EPHA6: variants seen among roughly 807,000 people sequenced by gnomAD.
EPHA6 encodes EPH receptor A6, also known as ephrin type-A receptor 6.
A neutral mutation model predicts 112.0 loss-of-function variants in EPHA6; 50 were observed. The ratio of observed to expected loss-of-function variants is 0.45; its 90% CI spans 0.36 to 0.56. The LOEUF (loss-of-function observed/expected upper bound fraction) is 0.56. Ranked by LOEUF, EPHA6 falls within the 20% of genes least tolerant of loss-of-function variation. The pLI is 0.00. For missense variants in EPHA6, 1,280 were observed against 1,417.4 expected, an observed-to-expected ratio of 0.90 and a Z score of 1.56; for synonymous variants, 529 against 490.7, an observed-to-expected ratio of 1.08 and a Z score of -1.03.
chr3:97,684,893 T>G (rs1021293677), intron 14 of EPHA6, among the ~76,000 whole-genome samples: 1 of 152,198 alleles, frequency 6.6e-6, no homozygotes, highest in Non-Finnish European at 1.5e-5. Context: ...TTTTTGATAA[T>G]GTGATAATAC....
chr3:97,556,408 G>T (rs557018329), intron 11 of EPHA6, among the ~76,000 whole-genome samples: 22 of 152,114 alleles, frequency 1.4e-4, no homozygotes, highest in Admixed American at 5.3e-4. Context: ...CAGCATGGCT[G>T]GGGGGTCCTC....
chr3:97,724,264 G>A (rs2034656042), intron 15 of EPHA6, among the ~76,000 whole-genome samples: 2 of 152,086 alleles, frequency 1.3e-5, no homozygotes, highest in Admixed American at 1.3e-4. Context: ...TGCAGAATCT[G>A]TTTTAGTGAA....
chr3:97,341,473 G>A (rs1025372657), intron 5 of EPHA6, among the ~76,000 whole-genome samples: 1 of 151,760 alleles, frequency 6.6e-6, no homozygotes, highest in African/African-American at 2.4e-5. Flanking sequence ...TCCTGCCTCA[G>A]CCTCCCAAGT....
Position 97,315,150 on chromosome 3 carries a change from G to GATCA in EPHA6, c.1606+70863_1606+70864insATCA, listed in dbSNP as rs2081759771. Among the ~76,000 whole-genome samples, 7 of 151,724 alleles carry GATCA rather than the reference G, an allele frequency of 4.6e-5. No individual in the cohort carries two copies. In the South Asian group the frequency reaches 1.4e-3, roughly 31 times the overall value. The stretch of plus-strand genomic sequence containing the variant: ...TTATAATTCCAATGATCTTTTACTA[G>GATCA]TGTTGTGGATGAAATCTTATAGATG... On this transcript the variant is annotated intron_variant, in intron 5 of 17. Transcript: ENST00000389672.
chr3:96,955,980 C>T (rs1028256926), intron 2 of EPHA6, among the ~76,000 whole-genome samples: 5 of 152,048 alleles, frequency 3.3e-5, no homozygotes, highest in African/African-American at 1.2e-4. Context: ...GGAACACATC[C>T]TTTTTTATAC....
intron 11 of EPHA6, among the ~76,000 whole-genome samples, chr3:97,560,882 A>G (rs2093180177): frequency 6.6e-6 from 1 of 152,032 alleles, no homozygotes; most frequent in South Asian, 2.1e-4. Flanking sequence ...AACAGTATGC[A>G]CTTACTTCAT....
chr3:97,266,333 T>G (rs2079681541), intron 5 of EPHA6, among the ~76,000 whole-genome samples: 1 of 152,182 alleles, frequency 6.6e-6, no homozygotes, highest in Non-Finnish European at 1.5e-5. Context: ...AGGTCATAAT[T>G]TATTATATTT....
intron 16 of EPHA6, among the ~76,000 whole-genome samples, chr3:97,741,303 T>C (rs1409347766): frequency 6.6e-6 from 1 of 151,912 alleles, no homozygotes; most frequent in Non-Finnish European, 1.5e-5. Context: ...CTGTGCACTA[T>C]GATCATGACA....
rs961681174 is a variant in EPHA6 at position 97,748,894 on chromosome 3, T to C, written c.*193T>C. ...TCATGCTACATAAATCCGTTCTGAA[T>C]AACCTGCAACTAAAACCCTGGCCCA... is the stretch of plus-strand genomic sequence containing the variant. On this transcript the variant is annotated 3_prime_UTR_variant, in exon 18 of 18. Coordinates refer to ENST00000389672, the MANE Select transcript of EPHA6 (RefSeq NM_001080448.3). 1.8e-6 allele frequency: 1 copy of C among 551,672 alleles called. No individual in the cohort carries two copies. Among genetic ancestry groups the C allele is most frequent in the African/African-American group, 1.9e-5 (1 of 53,348 alleles). The allele number at this position is 551,672 out of a possible 1,614,324, so 34.2% of individuals were successfully genotyped here.
chr3:97,700,370 A>T (rs2033312675), intron 14 of EPHA6, among the ~76,000 whole-genome samples: 1 of 152,198 alleles, frequency 6.6e-6, no homozygotes, highest in Admixed American at 6.5e-5. Context: ...GATGCCAGAT[A>T]CCACATTCTT....
At chr3:97,671,849 G>GAAAT (rs1366722725) in intron 14 of EPHA6, among the ~76,000 whole-genome samples, 1 of 151,920 alleles carries the variant, frequency 6.6e-6, no homozygotes, top group African/African-American at 2.4e-5. Context: ...AAAAAAAGCA[G>GAAAT]AAATAGAAGC....
intron 10 of EPHA6, among the ~76,000 whole-genome samples, chr3:97,506,251 T>C (rs1007340983): frequency 1.3e-5 from 2 of 152,176 alleles, no homozygotes; most frequent in Non-Finnish European, 2.9e-5. Flanking sequence ...TCATGAAGTC[T>C]TTGTGCATGC....
intron 7 of EPHA6, among the ~76,000 whole-genome samples, chr3:97,471,830 A>C (rs997626239): frequency 6.6e-6 from 1 of 151,784 alleles, no homozygotes; most frequent in African/African-American, 2.4e-5. Flanking sequence ...TTGGTTTCCT[A>C]GGACTGTTGA....
chr3:97,034,143 C>G (rs760725506), intron 3 of EPHA6, among the ~76,000 whole-genome samples: 9 of 151,818 alleles, frequency 5.9e-5, no homozygotes, highest in Admixed American at 3.9e-4. Flanking sequence ...AAGAAACTTT[C>G]TTGACAAGGT....
At chr3:97,310,253 T>C (rs1252327445) in intron 5 of EPHA6, among the ~76,000 whole-genome samples, 1 of 151,628 alleles carries the variant, frequency 6.6e-6, no homozygotes, top group Non-Finnish European at 1.5e-5. Context: ...AAATACTTTC[T>C]TACAGAGGAT....
intron 2 of EPHA6, among the ~76,000 whole-genome samples, chr3:96,983,228 G>C (rs530860131): frequency 6.6e-6 from 1 of 152,240 alleles, no homozygotes; most frequent in South Asian, 2.1e-4. Context: ...TCCTTCAGGA[G>C]CTCTTGTAGG....
intron 2 of EPHA6, among the ~76,000 whole-genome samples, chr3:96,914,929 A>G (rs1310453481): frequency 6.6e-6 from 1 of 151,728 alleles, no homozygotes; most frequent in African/African-American, 2.4e-5. Flanking sequence ...TAAAATATGG[A>G]GAAAATGTTA....
intron 7 of EPHA6, among the ~76,000 whole-genome samples, chr3:97,449,210 A>G (rs1196847824): frequency 6.6e-6 from 1 of 152,104 alleles, no homozygotes; most frequent in Non-Finnish European, 1.5e-5. Flanking sequence ...TAATTCCGGG[A>G]CCTCAACATG....
rs2035810949 is a variant in EPHA6 at position 97,748,573 on chromosome 3, C to G, written c.3279-14C>G. 1 of 1,408,142 alleles carries G rather than the reference C, an allele frequency of 7.1e-7. No homozygotes were observed. The highest frequency in any genetic ancestry group is 1.4e-5 in the African/African-American group (1 of 70,820). The allele number at this position is 1,408,142 out of a possible 1,614,324, so 87.2% of individuals were successfully genotyped here. On this transcript the variant is annotated splice_polypyrimidine_tract_variant and intron_variant, in intron 17 of 17. Coordinates refer to ENST00000389672, the MANE Select transcript of EPHA6 (RefSeq NM_001080448.3). ...TCACTCTCGCTCTCACTCTTGCTCT[C>G]TCCTTTCTTTCAGTGACATTAGAAG...
Sources: gnomAD v4.1 joint callset for allele counts (sites outside exome capture counted in the v4.1 genomes callset) on GRCh38, gnomAD v4.1.1 for gene constraint, MANE v1.5 for transcripts, NCBI Gene and HGNC (gene_info 2026-07-23, HGNC 2026-07-21) for gene names.